FIP1L1: variants seen among roughly 807,000 people sequenced by gnomAD.
FIP1L1 encodes pre-mRNA 3'-end-processing factor FIP1.
In FIP1L1, 21 loss-of-function variants were observed where a neutral mutation model predicts 84.6. The ratio of observed to expected loss-of-function variants is 0.25; its 90% CI spans 0.18 to 0.36. The LOEUF (loss-of-function observed/expected upper bound fraction) is 0.36. FIP1L1 is among the 10% of genes least tolerant of loss of function. The pLI, the probability that FIP1L1 is intolerant of heterozygous loss-of-function variation, is 1.00. For synonymous variants in FIP1L1, 263 were observed against 242.3 expected (o/e 1.09, Z -0.80); for missense variants, 526 against 751.1 (o/e 0.70, Z 3.50).
Position 53,459,409 on chromosome 4 carries a change from C to T in FIP1L1, c.1745C>T (p.Ala582Val). Residue 582 changes from alanine (A) to valine (V), a missense_variant, in exon 18 of 18, where the codon GCC becomes GTC. By Grantham distance (64) the Ala-to-Val change is moderately conservative. Coordinates refer to ENST00000337488, the MANE Select transcript of FIP1L1 (RefSeq NM_030917.4). Reference sequence around the variant, plus strand: ...GGAAAAGAAGCGGGCAGTGAGCCTGCCCCTGAACAGGAGAGCACCGAAGCT... The same window carrying T: ...GGAAAAGAAGCGGGCAGTGAGCCTGTCCCTGAACAGGAGAGCACCGAAGCT... ...KEGKEAGSEPAPEQESTEATP... is the reference protein window; with the variant it reads ...KEGKEAGSEPVPEQESTEATP... The T allele has an allele frequency of 6.2e-7, 1 of 1,612,270 alleles. No individual in the cohort carries two copies. The highest frequency in any genetic ancestry group is 8.5e-7 in the Non-Finnish European group (1 of 1,179,354).
intron 16 of FIP1L1, among the ~76,000 whole-genome samples, chr4:53,456,192 G>A (rs1718809276): frequency 1.3e-5 from 2 of 152,134 alleles, no homozygotes; most frequent in African/African-American, 4.8e-5. Context: ...TAGGAAATAA[G>A]AGTAAAATAA....
intron 4 of FIP1L1, 105 bp from the exon 5 acceptor site, chr4:53,383,668 G>C (rs1442609359): frequency 8.7e-7 from 1 of 1,154,646 alleles, no homozygotes; most frequent in African/African-American, 1.6e-5. Context: ...TCTCAAGACA[G>C]AAGAAAGAAA....
At chr4:53,427,068 G>A (rs1428229084) in intron 12 of FIP1L1, among the ~76,000 whole-genome samples, 2 of 152,104 alleles carry the variant, frequency 1.3e-5, no homozygotes, top group Non-Finnish European at 2.9e-5. Flanking sequence ...AGTGGAAGAT[G>A]TTAGTCCATT....
At chr4:53,378,798 A>G (rs1304446176) in intron 1 of FIP1L1, 3 of 445,750 alleles carry the variant, frequency 6.7e-6, no homozygotes, top group African/African-American at 4.0e-5. Context: ...TCTTTAGAAT[A>G]GAATAGTAAA....
intron 3 of FIP1L1, among the ~76,000 whole-genome samples, chr4:53,380,615 A>G (rs1190394793): frequency 6.6e-6 from 1 of 152,204 alleles, no homozygotes. Context: ...GGAAGTAGAA[A>G]TAGCTTAGGA....
intron 9 of FIP1L1, among the ~76,000 whole-genome samples, chr4:53,392,947 GT>G (rs1745071647): frequency 6.6e-6 from 1 of 152,130 alleles, no homozygotes; most frequent in Non-Finnish European, 1.5e-5. Flanking sequence ...ATACTAATAT[GT>G]TTGGTAGAAA....
intron 10 of FIP1L1, among the ~76,000 whole-genome samples, chr4:53,402,490 G>A (rs1244380383): frequency 1.3e-5 from 2 of 152,070 alleles, no homozygotes; most frequent in East Asian, 3.9e-4. Context: ...TCTGTTGAGG[G>A]CAGGAGTTTG....
chr4:53,381,750 A>ATTTTTTTTTTTTTTTTTTTT (rs1233462083), intron 3 of FIP1L1, among the ~76,000 whole-genome samples: 7 of 63,056 alleles, frequency 1.1e-4, no homozygotes, highest in Non-Finnish European at 2.1e-4. Context: ...AGGCATTTGC[A>ATTTTTTTTTTTTTTTTTTTT]TTCTTTTTTT....
chr4:53,423,771 A>G (rs934638712), intron 11 of FIP1L1, among the ~76,000 whole-genome samples: 2 of 152,198 alleles, frequency 1.3e-5, no homozygotes, highest in African/African-American at 4.8e-5. Flanking sequence ...TTTCTCAGTT[A>G]TATGTTTTTA....
chr4:53,395,630 T>C (rs1746810546), intron 9 of FIP1L1, among the ~76,000 whole-genome samples: 1 of 152,174 alleles, frequency 6.6e-6, no homozygotes, highest in African/African-American at 2.4e-5. Flanking sequence ...GAAGTGACAT[T>C]TAAGTTGATT....
chr4:53,393,234 A>T (rs575361541), intron 9 of FIP1L1, among the ~76,000 whole-genome samples: 1 of 152,330 alleles, frequency 6.6e-6, no homozygotes, highest in Non-Finnish European at 1.5e-5. Context: ...AGCTGTTGCC[A>T]TACTATGGGA....
rs770569422 is a variant in FIP1L1 at position 53,458,725 on chromosome 4, A to G, written c.1572A>G (p.Lys524=). 1 of 1,613,262 alleles carries G rather than the reference A, an allele frequency of 6.2e-7. No individual in the cohort carries two copies. Among genetic ancestry groups the G allele is most frequent in the Non-Finnish European group, 8.5e-7 (1 of 1,179,480 alleles). The part of the protein sequence containing the change: ...GYERHRASRE[K]EERHRERRHR... Reference sequence around the variant, plus strand: ...AGCGTCACAGAGCAAGTCGAGAAAAAGAAGAACGACATAGAGAAAGACGAC... The same window carrying G: ...AGCGTCACAGAGCAAGTCGAGAAAAGGAAGAACGACATAGAGAAAGACGAC... Residue 524 remains lysine (K), a synonymous_variant, in exon 17 of 18, where the codon AAA becomes AAG. Transcript: ENST00000337488.
intron 14 of FIP1L1, among the ~76,000 whole-genome samples, chr4:53,443,124 C>T (rs1230231999): frequency 1.3e-5 from 2 of 152,118 alleles, no homozygotes; most frequent in Non-Finnish European, 1.5e-5. Flanking sequence ...GATACACCAT[C>T]TCAGCTTCCA....
intron 12 of FIP1L1, 35 bp from the exon 13 acceptor site, chr4:53,427,992 A>G: frequency 6.9e-7 from 1 of 1,455,050 alleles, no homozygotes; most frequent in Non-Finnish European, 9.5e-7. Flanking sequence ...CATAATATTT[A>G]TGCATCTGTT....
At chr4:53,421,081 T>C (rs1266705202) in intron 11 of FIP1L1, among the ~76,000 whole-genome samples, 1 of 152,176 alleles carries the variant, frequency 6.6e-6, no homozygotes, top group African/African-American at 2.4e-5. Flanking sequence ...GATTTTGATA[T>C]GCAGGCAAGG....
At chr4:53,457,801 A>T (rs1720104674) in intron 16 of FIP1L1, among the ~76,000 whole-genome samples, 1 of 152,208 alleles carries the variant, frequency 6.6e-6, no homozygotes, top group East Asian at 1.9e-4. Flanking sequence ...AAAGGAAGAA[A>T]TAAGAGACTT....
chr4:53,459,611 T>TAAG lies in FIP1L1; in HGVS notation c.*163_*165dup, dbSNP rs1560597717. ...AAATAAAAGAGTGAATTTTTCATGT[T>TAAG]AAGTTAAAAATCTTTGTCTTGTACT... On this transcript the variant is annotated 3_prime_UTR_variant, in exon 18 of 18. Transcript: ENST00000337488. 5.1e-6 allele frequency: 5 copies of TAAG among 987,204 alleles called. No homozygotes were observed. In the South Asian group the frequency reaches 6.3e-5, roughly 12 times the overall value. 61.2% of individuals were successfully genotyped at this position (987,204 alleles called of 1,614,324 possible).
rs1341497546 is a variant in FIP1L1 at position 53,460,132 on chromosome 4, C to T, written c.*683C>T. ...TCTTCATTGTGGCACAAATTTAAAT[C>T]GCCTCATGACCATGTCTGTGAGCCA... On this transcript the variant is annotated 3_prime_UTR_variant, in exon 18 of 18. Coordinates refer to ENST00000337488, the MANE Select transcript of FIP1L1 (RefSeq NM_030917.4). The T allele has an allele frequency of 5.0e-6, 1 of 198,512 alleles. No homozygotes were observed. The highest frequency in any genetic ancestry group is 1.0e-5 in the Non-Finnish European group (1 of 95,948). 12.3% of individuals were successfully genotyped at this position (198,512 alleles called of 1,614,324 possible).
At chr4:53,391,351 C>A in intron 8 of FIP1L1, 79 bp from the exon 9 acceptor site, 2 of 1,262,178 alleles carry the variant, frequency 1.6e-6, no homozygotes, top group Non-Finnish European at 2.3e-6. Flanking sequence ...ACAGACTAGC[C>A]ACAGCTAGTT....
Sources: allele counts gnomAD v4.1 joint callset (sites outside exome capture counted in the v4.1 genomes callset), GRCh38; gene constraint gnomAD v4.1.1; transcripts MANE v1.5; gene names NCBI Gene and HGNC (gene_info 2026-07-23, HGNC 2026-07-21).